The following PGM5 variants were observed in gnomAD, a reference collection of about 807,000 sequenced individuals.
PGM5 encodes the protein phosphoglucomutase 5, also known as phosphoglucomutase-like protein 5.
Under a neutral mutation model 59.2 loss-of-function variants are expected in PGM5, and 23 were observed. The observed-to-expected ratio is 0.39, with a 90% CI of 0.28 to 0.55. The LOEUF (loss-of-function observed/expected upper bound fraction) is 0.55, where lower values mean the gene tolerates loss of function less well. Ranked by LOEUF, PGM5 falls within the 20% of genes least tolerant of loss-of-function variation. The pLI, the probability that PGM5 is intolerant of heterozygous loss-of-function variation, is 0.66. For missense variants in PGM5, 574 were observed against 748.3 expected, an observed-to-expected ratio of 0.77 and a Z score of 2.72; for synonymous variants, 214 against 286.0, an observed-to-expected ratio of 0.75 and a Z score of 2.54.
At chr9:68,476,477 T>C (rs549691892) in intron 7 of PGM5, among the ~76,000 whole-genome samples, 3 of 152,346 alleles carry the variant, frequency 2.0e-5, no homozygotes, top group Admixed American at 6.5e-5. Context: ...TTGATACCTT[T>C]GTGCTTTCTG....
chr9:68,443,553 G>A (rs1823563464), intron 6 of PGM5, among the ~76,000 whole-genome samples: 3 of 152,186 alleles, frequency 2.0e-5, no homozygotes, highest in Admixed American at 2.0e-4. Flanking sequence ...TAATCCTAAT[G>A]TGCTGTGCAG....
chr9:68,480,307 C>T (rs1824176228), intron 8 of PGM5, among the ~76,000 whole-genome samples: 1 of 152,306 alleles, frequency 6.6e-6, no homozygotes, highest in South Asian at 2.1e-4. Context: ...TTCTTACCTC[C>T]TCACCAATAA....
chr9:68,394,208 A>G (rs1203490859), intron 6 of PGM5: 1 of 152,152 alleles, frequency 6.6e-6, no homozygotes, highest in Non-Finnish European at 1.5e-5. Flanking sequence ...AAACTCATTG[A>G]ATTGTACCCA....
chr9:68,424,899 G>T (rs1239524612), intron 6 of PGM5, among the ~76,000 whole-genome samples: 6 of 152,126 alleles, frequency 3.9e-5, no homozygotes, highest in African/African-American at 1.4e-4. Context: ...GCCCTTATTA[G>T]TTAGACCTGT....
At chr9:68,501,466 T>C (rs575145681) in intron 10 of PGM5, among the ~76,000 whole-genome samples, 23 of 152,310 alleles carry the variant, frequency 1.5e-4, no homozygotes, top group Admixed American at 1.4e-3. Flanking sequence ...TGGGAGCATT[T>C]TGAGGGCTCC....
At chr9:68,409,393 A>G (rs1587798547) in intron 6 of PGM5, among the ~76,000 whole-genome samples, 2 of 142,856 alleles carry the variant, frequency 1.4e-5, no homozygotes, top group African/African-American at 5.2e-5. Flanking sequence ...CCAAAGAACT[A>G]TAAATCATGC....
At chr9:68,504,149 G>A (rs1179105280) in intron 10 of PGM5, among the ~76,000 whole-genome samples, 1 of 152,158 alleles carries the variant, frequency 6.6e-6, no homozygotes, top group Non-Finnish European at 1.5e-5. Context: ...ATCGATCTCT[G>A]TCTTCTAGAC....
At chr9:68,486,540 C>A (rs1824299159) in intron 9 of PGM5, among the ~76,000 whole-genome samples, 1 of 152,150 alleles carries the variant, frequency 6.6e-6, no homozygotes, top group Non-Finnish European at 1.5e-5. Context: ...AATACAAGGT[C>A]CTTTATGACT....
chr9:68,423,376 A>G (rs1336744321), intron 6 of PGM5, among the ~76,000 whole-genome samples: 1 of 152,160 alleles, frequency 6.6e-6, no homozygotes, highest in African/African-American at 2.4e-5. Context: ...CCGCATCCAC[A>G]CCAACATCTA....
intron 1 of PGM5, among the ~76,000 whole-genome samples, chr9:68,370,955 G>A (rs1821689663): frequency 6.6e-6 from 1 of 152,130 alleles, no homozygotes; most frequent in African/African-American, 2.4e-5. Context: ...GAATGCATAT[G>A]CCTCACAGAT....
rs576640539 is a variant in PGM5, at chr9:68,437,263, C to T, written c.1044-27830C>T. 6.6e-6 allele frequency among the ~76,000 whole-genome samples: 1 copy of T among 152,142 alleles called. No homozygotes were observed. Among genetic ancestry groups the T allele is most frequent in the South Asian group, 2.1e-4 (1 of 4,818 alleles). On this transcript the variant is annotated intron_variant, in intron 6 of 10. Coordinates refer to ENST00000396396, the MANE Select transcript of PGM5 (RefSeq NM_021965.4). This position sits in a 1 kb window ranked among gnomAD's most constrained non-coding sequence, Gnocchi z 4.1. ...TTTTCTCTCTTTTATTAATTTTCTC[C>T]TCTTGTTTTATTACATCTGGGTACT...
intron 6 of PGM5, among the ~76,000 whole-genome samples, chr9:68,451,903 T>C (rs1054033090): frequency 2.0e-5 from 3 of 152,250 alleles, no homozygotes; most frequent in Non-Finnish European, 2.9e-5. Context: ...TACACTTGAA[T>C]ATTTATTATG....
At chr9:68,361,140 A>G (rs1834570868) in intron 1 of PGM5, among the ~76,000 whole-genome samples, 1 of 152,132 alleles carries the variant, frequency 6.6e-6, no homozygotes, top group Admixed American at 6.5e-5. Context: ...CTGGTCTCAA[A>G]CACCTGGCCT....
chr9:68,411,486 G>GTATATATATA (rs1279685124), intron 6 of PGM5, among the ~76,000 whole-genome samples: 26,271 of 137,130 alleles, frequency 0.19, 2,896 homozygotes, highest in South Asian at 0.31. Flanking sequence ...GTGTGTGTGT[G>GTATATATATA]TGTATATATA....
intron 6 of PGM5, among the ~76,000 whole-genome samples, chr9:68,464,259 G>T (rs1823899176): frequency 6.6e-6 from 1 of 152,162 alleles, no homozygotes; most frequent in Non-Finnish European, 1.5e-5. Context: ...TTTGCTTTCA[G>T]GAAGTTTATT....
intron 9 of PGM5, among the ~76,000 whole-genome samples, chr9:68,494,474 A>C (rs1446675284): frequency 6.6e-6 from 1 of 152,216 alleles, no homozygotes; most frequent in Non-Finnish European, 1.5e-5. Context: ...CAGAAAAAAG[A>C]GGTTATTGCA....
intron 6 of PGM5, among the ~76,000 whole-genome samples, chr9:68,401,929 GTATA>G (rs797042092): frequency 0.025 from 1,405 of 56,972 alleles, 18 homozygotes; most frequent in African/African-American, 0.099. Flanking sequence ...GTGTGTGTGT[GTATA>G]TATTTGTCAA....
chr9:68,484,148 C>T (rs993712507), intron 9 of PGM5, 100 bp downstream of exon 9: 53 of 989,742 alleles, frequency 5.4e-5, no homozygotes, highest in Non-Finnish European at 8.2e-5. Flanking sequence ...AAGGTGACCT[C>T]ATTTTATAGA....
At chr9:68,518,616 C>T (rs1210836339) in intron 10 of PGM5, among the ~76,000 whole-genome samples, 3 of 152,132 alleles carry the variant, frequency 2.0e-5, no homozygotes, top group Non-Finnish European at 4.4e-5. Flanking sequence ...AAATTAAGAA[C>T]ATAAATGGAT....
Sources: gnomAD v4.1 joint callset for allele counts (sites outside exome capture counted in the v4.1 genomes callset) on GRCh38, gnomAD v4.1.1 for gene constraint, Gnocchi (gnomAD v3.1) non-coding constraint, MANE v1.5 for transcripts, NCBI Gene and HGNC (gene_info 2026-07-23, HGNC 2026-07-21) for gene names.